Variants in CNTNAP5 observed in about 807,000 individuals in gnomAD.
The protein encoded by CNTNAP5 is contactin associated protein family member 5.
In CNTNAP5, 72 loss-of-function variants were observed where a neutral mutation model predicts 150.2. The ratio of observed to expected loss-of-function variants is 0.48; its 90% CI spans 0.40 to 0.58. The LOEUF is 0.58. Among genes scored for constraint, CNTNAP5 ranks in the 20% least tolerant of loss-of-function variants. The probability of loss-of-function intolerance (pLI) is 0.00; values close to 1 mark genes in which losing one functional copy is unlikely to be tolerated. For synonymous variants in CNTNAP5, 672 were observed against 619.8 expected (o/e 1.08, Z -1.25); for missense variants, 1,636 against 1,626.2 (o/e 1.01, Z -0.10).
Position 124,707,122 on chromosome 2 carries a change from GA to G in CNTNAP5, c.2078-40104del, listed in dbSNP as rs762607196. Among the ~76,000 whole-genome samples the G allele has an allele frequency of 4.2e-3, 281 of 66,398 alleles. 2 individuals carry two copies. Among genetic ancestry groups the G allele is most frequent in the Middle Eastern group, 7.4e-3 (1 of 136 alleles). 43.6% of individuals were successfully genotyped at this position (66,398 alleles called of 152,430 possible). On this transcript the variant is annotated intron_variant, in intron 13 of 23. Transcript: ENST00000682447. The stretch of plus-strand genomic sequence containing the variant: ...AGAGGAAGAAGAAGAGGAAGAAGAA[GA>G]AAGAAGAAGAAGAAGAGGAAGAAGA...
chr2:124,360,635 C>T lies in CNTNAP5; in HGVS notation c.382-56808C>T, dbSNP rs1459585368. ...TTTCTTTAAGAATGTTGAATATTGG[C>T]CCCCTCTCTCTTCTGGCTTGTAGGG... On this transcript the variant is annotated intron_variant, in intron 3 of 23. Coordinates refer to ENST00000682447, the MANE Select transcript of CNTNAP5 (RefSeq NM_001367498.1). Among the ~76,000 whole-genome samples, 3 of 134,702 alleles carry T rather than the reference C, an allele frequency of 2.2e-5. No individual in the cohort carries two copies. In the East Asian group the frequency reaches 6.7e-4, roughly 30 times the overall value. 88.4% of individuals were successfully genotyped at this position (134,702 alleles called of 152,430 possible).
intron 3 of CNTNAP5, among the ~76,000 whole-genome samples, chr2:124,398,104 C>A (rs1015981873): frequency 6.6e-6 from 1 of 152,208 alleles, no homozygotes; most frequent in East Asian, 1.9e-4. Context: ...CTGGGAACAA[C>A]CATATATTCT....
chr2:124,400,669 G>GTTTTTTTTTTTTTTTT lies in CNTNAP5; in HGVS notation c.382-16770_382-16755dup, dbSNP rs760418441. On this transcript the variant is annotated intron_variant, in intron 3 of 23. Transcript: ENST00000682447. ...TAATTTTTGAAAGGATAAAGGCATT[G>GTTTTTTTTTTTTTTTT]TTTTTTTTTTTTTTTTTTTGTTTTT... is the stretch of plus-strand genomic sequence containing the variant. Among the ~76,000 whole-genome samples, 120 of 84,458 alleles carry GTTTTTTTTTTTTTTTT rather than the reference G, an allele frequency of 1.4e-3. 1 individual carries two copies. The highest frequency in any genetic ancestry group is 3.2e-3 in the African/African-American group (86 of 26,664). The allele number at this position is 84,458 out of a possible 152,430, so 55.4% of individuals were successfully genotyped here. A position where few individuals can be genotyped will look rare whatever the true frequency, so the allele number is the denominator to read the frequency against.
At chr2:124,654,065 G>C (rs1362794759) in intron 13 of CNTNAP5, among the ~76,000 whole-genome samples, 1 of 152,148 alleles carries the variant, frequency 6.6e-6, no homozygotes, top group Non-Finnish European at 1.5e-5. Flanking sequence ...GAGCTATCCA[G>C]CAGGACCCTG....
intron 21 of CNTNAP5, among the ~76,000 whole-genome samples, chr2:124,886,954 T>C (rs1208538534): frequency 6.6e-6 from 1 of 152,058 alleles, no homozygotes; most frequent in Non-Finnish European, 1.5e-5. Context: ...TTGAAATATA[T>C]CATTACTTCT....
intron 1 of CNTNAP5, among the ~76,000 whole-genome samples, chr2:124,136,649 C>T (rs919943197): frequency 1.3e-5 from 2 of 152,088 alleles, no homozygotes; most frequent in African/African-American, 4.8e-5. Context: ...ATGTGTTTCA[C>T]CTTAGAGTTA....
chr2:124,682,140 G>T (rs1679082678), intron 13 of CNTNAP5, among the ~76,000 whole-genome samples: 1 of 152,100 alleles, frequency 6.6e-6, no homozygotes, highest in Non-Finnish European at 1.5e-5. Context: ...GTCTTTTTCG[G>T]CATGTACACA....
chr2:124,878,444 G>T (rs1175216960), intron 21 of CNTNAP5, among the ~76,000 whole-genome samples: 1 of 152,012 alleles, frequency 6.6e-6, no homozygotes. Flanking sequence ...GCTCAGTAAG[G>T]TTTGTAACAC....
intron 18 of CNTNAP5, 62 bp from the exon 19 acceptor site, chr2:124,798,034 G>A: frequency 7.8e-7 from 1 of 1,286,382 alleles, no homozygotes; most frequent in Non-Finnish European, 1.1e-6. Flanking sequence ...AAGCAGCTAA[G>A]GTTAGCTTGA....
chr2:124,413,965 A>G (rs1216305646), intron 3 of CNTNAP5, among the ~76,000 whole-genome samples: 1 of 151,966 alleles, frequency 6.6e-6, no homozygotes, highest in Non-Finnish European at 1.5e-5. Flanking sequence ...AAGTATTGAG[A>G]GATGGAGTGA....
chr2:124,643,930 G>T (rs1289653533), intron 12 of CNTNAP5, among the ~76,000 whole-genome samples: 3 of 152,184 alleles, frequency 2.0e-5, no homozygotes, highest in Non-Finnish European at 4.4e-5. Flanking sequence ...AGAAAACTGG[G>T]CATTGAAGAA....
At chr2:124,285,704 G>C (rs1293444994) in intron 3 of CNTNAP5, among the ~76,000 whole-genome samples, 1 of 152,116 alleles carries the variant, frequency 6.6e-6, no homozygotes, top group Non-Finnish European at 1.5e-5. Context: ...TTGAGAGGCT[G>C]AGGTGGGAGG....
At chr2:124,166,912 C>A (rs1684820498) in intron 1 of CNTNAP5, among the ~76,000 whole-genome samples, 1 of 152,154 alleles carries the variant, frequency 6.6e-6, no homozygotes, top group African/African-American at 2.4e-5. Context: ...ATGGAGCCCA[C>A]AGGATTATAT....
At chr2:124,115,476 G>A (rs1319556525) in intron 1 of CNTNAP5, among the ~76,000 whole-genome samples, 1 of 152,048 alleles carries the variant, frequency 6.6e-6, no homozygotes, top group Non-Finnish European at 1.5e-5. Flanking sequence ...AGAGTAATAC[G>A]TTTTGAAAAC....
intron 19 of CNTNAP5, among the ~76,000 whole-genome samples, chr2:124,807,907 G>A (rs1419795276): frequency 6.6e-6 from 1 of 152,166 alleles, no homozygotes; most frequent in African/African-American, 2.4e-5. Flanking sequence ...GGAAGATTTA[G>A]AAACACAATG....
At chr2:124,346,505 A>G (rs1689739926) in intron 3 of CNTNAP5, among the ~76,000 whole-genome samples, 1 of 152,180 alleles carries the variant, frequency 6.6e-6, no homozygotes, top group African/African-American at 2.4e-5. Flanking sequence ...GATGCAGATG[A>G]CAATTTTAAT....
intron 6 of CNTNAP5, among the ~76,000 whole-genome samples, chr2:124,458,496 C>T (rs1279542012): frequency 3.3e-5 from 5 of 151,250 alleles, no homozygotes; most frequent in South Asian, 2.1e-4. Context: ...GGAAAGACAC[C>T]GTGGACTTTA....
chr2:124,644,245 A>G (rs1203288739), intron 12 of CNTNAP5, among the ~76,000 whole-genome samples: 1 of 152,224 alleles, frequency 6.6e-6, no homozygotes, highest in Non-Finnish European at 1.5e-5. Context: ...CCTAGCCTAG[A>G]GCAGGCATCA....
intron 3 of CNTNAP5, among the ~76,000 whole-genome samples, chr2:124,350,785 G>A (rs1020886453): frequency 7.9e-5 from 12 of 151,994 alleles, no homozygotes; most frequent in Admixed American, 3.9e-4. Flanking sequence ...TAAAATTCTT[G>A]GACCCAGAAT....
Sources: allele counts gnomAD v4.1 joint callset (sites outside exome capture counted in the v4.1 genomes callset), GRCh38; gene constraint gnomAD v4.1.1; transcripts MANE v1.5; gene names NCBI Gene and HGNC (gene_info 2026-07-23, HGNC 2026-07-21).